The following EPB41L4A variants were observed in gnomAD, a reference collection of about 807,000 sequenced individuals.
EPB41L4A encodes band 4.1-like protein 4A.
A neutral mutation model predicts 108.6 loss-of-function variants in EPB41L4A; 100 were observed. The ratio of observed to expected loss-of-function variants is 0.92; its 90% CI spans 0.78 to 1.09. The LOEUF is 1.09. Ranked by LOEUF, EPB41L4A falls within the 50% of genes least tolerant of loss-of-function variation. The pLI, the probability that EPB41L4A is intolerant of heterozygous loss-of-function variation, is 0.00. For synonymous variants in EPB41L4A, 319 were observed against 289.0 expected (o/e 1.10, Z -1.05); for missense variants, 1,030 against 842.7 (o/e 1.22, Z -2.75).
At chr5:112,407,707 C>T (rs1762151838) in intron 1 of EPB41L4A, among the ~76,000 whole-genome samples, 1 of 152,150 alleles carries the variant, frequency 6.6e-6, no homozygotes, top group Non-Finnish European at 1.5e-5. Context: ...AAAGCCAAAT[C>T]CTTAACAGAA....
At chr5:112,301,459 C>A (rs1754356680) in intron 2 of EPB41L4A, among the ~76,000 whole-genome samples, 1 of 152,180 alleles carries the variant, frequency 6.6e-6, no homozygotes, top group African/African-American at 2.4e-5. Flanking sequence ...AGACTCCAGG[C>A]TGGTACTAGG....
chr5:112,343,651 C>T (rs190290271), intron 1 of EPB41L4A, among the ~76,000 whole-genome samples: 1 of 151,980 alleles, frequency 6.6e-6, no homozygotes, highest in Admixed American at 6.6e-5. Flanking sequence ...TGAAGCCAGA[C>T]TTGGCTTTTA....
chr5:112,372,291 C>T (rs1195060566), intron 1 of EPB41L4A, among the ~76,000 whole-genome samples: 2 of 152,010 alleles, frequency 1.3e-5, no homozygotes, highest in Non-Finnish European at 2.9e-5. Context: ...CTTATAAAAC[C>T]ATCAGATTTC....
rs76473172 is a variant in EPB41L4A, at chr5:112,142,814, T to C, written n.2179A>G. 206 of 152,348 alleles carry C rather than the reference T, an allele frequency of 1.4e-3. 1 individual carries two copies. The highest frequency in any genetic ancestry group is 4.4e-3 in the African/African-American group (185 of 41,588). The allele number at this position is 152,348 out of a possible 1,614,324, so 9.4% of individuals were successfully genotyped here. The stretch of plus-strand genomic sequence containing the variant: ...TCATAATAGAATAGTTGTGTTCCCA[T>C]TGTTTCCATGCCTTTCTATATCCAC... On this transcript the variant is annotated non_coding_transcript_exon_variant, in exon 14 of 14. Transcript: ENST00000507810.
chr5:112,203,541 AG>A (rs1474685488), intron 15 of EPB41L4A, among the ~76,000 whole-genome samples: 1 of 152,188 alleles, frequency 6.6e-6, no homozygotes, highest in Non-Finnish European at 1.5e-5. Context: ...CTTTGCAGAG[AG>A]GTCCAAAACT....
chr5:112,243,935 T>G (rs1489341622), intron 9 of EPB41L4A, among the ~76,000 whole-genome samples: 1 of 152,264 alleles, frequency 6.6e-6, no homozygotes, highest in African/African-American at 2.4e-5. Context: ...TTATTATTTT[T>G]GTGTTCACTA....
chr5:112,278,544 G>A (rs777785027), intron 3 of EPB41L4A, among the ~76,000 whole-genome samples: 3 of 151,982 alleles, frequency 2.0e-5, no homozygotes, highest in Non-Finnish European at 2.9e-5. Flanking sequence ...AAGACACCAC[G>A]AGTCTTATGC....
chr5:112,273,095 T>C (rs1346932872), intron 4 of EPB41L4A, among the ~76,000 whole-genome samples: 2 of 152,236 alleles, frequency 1.3e-5, no homozygotes, highest in African/African-American at 4.8e-5. Flanking sequence ...AATTATCTCA[T>C]GTGACTCCTC....
intron 1 of EPB41L4A, among the ~76,000 whole-genome samples, chr5:112,307,772 A>C (rs929244587): frequency 1.3e-5 from 2 of 152,168 alleles, no homozygotes; most frequent in African/African-American, 4.8e-5. Context: ...TCAGGACAAA[A>C]TTCTTCTTTT....
intron 1 of EPB41L4A, among the ~76,000 whole-genome samples, chr5:112,323,612 T>G (rs1755953149): frequency 1.3e-5 from 2 of 152,226 alleles, no homozygotes; most frequent in African/African-American, 4.8e-5. Context: ...CGTTGTCTAA[T>G]TATATGTCCC....
intron 2 of EPB41L4A, among the ~76,000 whole-genome samples, chr5:112,302,941 T>G (rs1404390021): frequency 6.6e-6 from 1 of 152,150 alleles, no homozygotes; most frequent in Non-Finnish European, 1.5e-5. Flanking sequence ...CATGTGTTGT[T>G]GTCAGCCCTC....
chr5:112,153,926 G>C (rs966182913), intron 12 of EPB41L4A, among the ~76,000 whole-genome samples: 5 of 151,822 alleles, frequency 3.3e-5, no homozygotes, highest in African/African-American at 1.2e-4. Flanking sequence ...ACTCCATACA[G>C]TGAAAATTAA....
intron 1 of EPB41L4A, among the ~76,000 whole-genome samples, chr5:112,408,576 C>T (rs1308947401): frequency 4.7e-5 from 7 of 150,260 alleles, no homozygotes; most frequent in Admixed American, 1.3e-4. Flanking sequence ...ATGACCAATA[C>T]GGCCAGGTGC....
intron 1 of EPB41L4A, among the ~76,000 whole-genome samples, chr5:112,339,461 G>GAT (rs1320746225): frequency 5.8e-5 from 7 of 121,178 alleles, no homozygotes; most frequent in South Asian, 2.7e-4. Context: ...TATAGCTATA[G>GAT]ATATATATAT....
At chr5:112,235,585 C>T (rs944367225) in intron 11 of EPB41L4A, among the ~76,000 whole-genome samples, 1 of 152,158 alleles carries the variant, frequency 6.6e-6, no homozygotes, top group Non-Finnish European at 1.5e-5. Flanking sequence ...TTAATGGCCC[C>T]AAATCCTATT....
chr5:112,353,456 C>A (rs561483917), intron 1 of EPB41L4A, among the ~76,000 whole-genome samples: 21 of 151,992 alleles, frequency 1.4e-4, no homozygotes, highest in African/African-American at 4.6e-4. Flanking sequence ...TTCCAGACAG[C>A]ATGTGCTGAG....
At chr5:112,254,854 G>A (rs1488922678) in intron 9 of EPB41L4A, among the ~76,000 whole-genome samples, 1 of 151,718 alleles carries the variant, frequency 6.6e-6, no homozygotes, top group African/African-American at 2.4e-5. Context: ...CGGAATTCAT[G>A]ACCTCTCATC....
intron 1 of EPB41L4A, among the ~76,000 whole-genome samples, chr5:112,382,924 T>G (rs1349053392): frequency 6.6e-6 from 1 of 152,212 alleles, no homozygotes; most frequent in Non-Finnish European, 1.5e-5. Context: ...TAGCCCAGAC[T>G]TGAATTGGAA....
chr5:112,322,006 A>G (rs972301996), intron 1 of EPB41L4A, among the ~76,000 whole-genome samples: 23 of 152,244 alleles, frequency 1.5e-4, no homozygotes, highest in Non-Finnish European at 2.8e-4. Context: ...TCAACATTAC[A>G]TAAGTCATAA....
Sources: gnomAD v4.1 joint callset for allele counts (sites outside exome capture counted in the v4.1 genomes callset) on GRCh38, gnomAD v4.1.1 for gene constraint, MANE v1.5 for transcripts, NCBI Gene and HGNC (gene_info 2026-07-23, HGNC 2026-07-21) for gene names.